The following KLHL8 variants were observed in gnomAD, a reference collection of about 807,000 sequenced individuals.
KLHL8 encodes kelch like family member 8.
A neutral mutation model predicts 63.5 loss-of-function variants in KLHL8; 38 were observed. That is an observed-to-expected ratio of 0.60 (90% confidence interval 0.46 to 0.78). The LOEUF is 0.78. Among genes scored for constraint, KLHL8 ranks in the 30% least tolerant of loss-of-function variants. KLHL8 has a pLI of 0.00. For missense variants in KLHL8, 566 were observed against 752.4 expected (o/e 0.75, Z 2.90); for synonymous variants, 224 against 254.3 (o/e 0.88, Z 1.13).
chr4:87,236,965 G>A (rs954279759), intron 1 of KLHL8, among the ~76,000 whole-genome samples: 1 of 152,124 alleles, frequency 6.6e-6, no homozygotes, highest in Non-Finnish European at 1.5e-5. Flanking sequence ...CACCTAGTCT[G>A]TATTGTGTCT....
chr4:87,207,073 C>T, intron 1 of KLHL8: 1 of 456,040 alleles, frequency 2.2e-6, no homozygotes, highest in Non-Finnish European at 4.2e-6. Flanking sequence ...GCATTGCCAG[C>T]TGCATCGCTG....
At chr4:87,182,187 C>T (rs1731079215) in intron 4 of KLHL8, among the ~76,000 whole-genome samples, 1 of 143,606 alleles carries the variant, frequency 7.0e-6, no homozygotes. Flanking sequence ...CAGCCGAGAT[C>T]GCGCCACTGC....
chr4:87,179,225 C>T (rs1220119513), intron 4 of KLHL8, among the ~76,000 whole-genome samples: 1 of 152,162 alleles, frequency 6.6e-6, no homozygotes, highest in Non-Finnish European at 1.5e-5. Flanking sequence ...TTCTTGCCTA[C>T]CTAAACAACC....
upstream of KLHL8, among the ~76,000 whole-genome samples, chr4:87,222,175 C>T (rs1732883891): frequency 6.6e-6 from 1 of 152,162 alleles, no homozygotes. Context: ...TTACTTAACT[C>T]ATATTGGAGG....
At chr4:87,167,415 T>A in intron 8 of KLHL8, 1 of 464,936 alleles carries the variant, frequency 2.2e-6, no homozygotes, top group Non-Finnish European at 4.2e-6. Flanking sequence ...GTGGGCCAAA[T>A]AAGGTGTTCT....
intron 1 of KLHL8, among the ~76,000 whole-genome samples, chr4:87,235,806 C>T (rs1345560634): frequency 6.6e-6 from 1 of 152,068 alleles, no homozygotes; most frequent in African/African-American, 2.4e-5. Context: ...GTAAACAGGA[C>T]CTTTCAATGA....
chr4:87,211,939 A>G (rs1732422561), intron 1 of KLHL8, among the ~76,000 whole-genome samples: 1 of 152,230 alleles, frequency 6.6e-6, no homozygotes, highest in East Asian at 1.9e-4. Context: ...GTTCTTGAAC[A>G]ATAACTGAGT....
rs192391470 is a variant in KLHL8, at chr4:87,238,683, A to G, written n.57+1575T>C. Among the ~76,000 whole-genome samples the G allele has an allele frequency of 4.6e-5, 7 of 152,328 alleles. No homozygotes were observed. The East Asian group carries it at 1.3e-3, about 29-fold the overall frequency. On this transcript the variant is annotated intron_variant and non_coding_transcript_variant, in intron 1 of 1. Coordinates refer to the KLHL8 transcript ENST00000506274. The stretch of plus-strand genomic sequence containing the variant: ...TAGTAGCTACCAAAATGGACAGGAG[A>G]AAAGTAAAGTTATCATTGGAAAAAT...
chr4:87,226,132 C>A (rs1416963212), intron 1 of KLHL8, among the ~76,000 whole-genome samples: 1 of 152,144 alleles, frequency 6.6e-6, no homozygotes, highest in Non-Finnish European at 1.5e-5. Context: ...GAAACATGTG[C>A]CACATACTTC....
Position 87,234,342 on chromosome 4 carries a change from G to A in KLHL8, n.57+5916C>T, listed in dbSNP as rs1020746389. ...TAGTCCCAGCTACTCAGGAGGCTGA[G>A]GCAGGAGAATTGCTTGAACCTGGGA... On this transcript the variant is annotated intron_variant and non_coding_transcript_variant, in intron 1 of 1. Coordinates refer to the KLHL8 transcript ENST00000506274. 3.9e-5 allele frequency among the ~76,000 whole-genome samples: 6 copies of A among 152,220 alleles called. No homozygotes were observed. The Middle Eastern group carries it at 0.017, about 431-fold the overall frequency.
intron 1 of KLHL8, among the ~76,000 whole-genome samples, chr4:87,234,802 ATTGCCCC>A (rs2110072648): frequency 6.6e-6 from 1 of 152,286 alleles, no homozygotes; most frequent in Admixed American, 6.5e-5. Context: ...CATGTGGGTT[ATTGCCCC>A]GGAAGACTTT....
chr4:87,204,226 C>G (rs888817386), intron 1 of KLHL8, among the ~76,000 whole-genome samples: 1 of 152,094 alleles, frequency 6.6e-6, no homozygotes, highest in Non-Finnish European at 1.5e-5. Context: ...CTGCCACATC[C>G]CCATACACAC....
intron 1 of KLHL8, among the ~76,000 whole-genome samples, chr4:87,237,071 C>G (rs939401626): frequency 6.6e-6 from 1 of 152,144 alleles, no homozygotes; most frequent in Non-Finnish European, 1.5e-5. Context: ...ATGTCCTTCC[C>G]ATAGCTAAAA....
intron 1 of KLHL8, among the ~76,000 whole-genome samples, chr4:87,197,517 C>T (rs1731742952): frequency 6.6e-6 from 1 of 152,156 alleles, no homozygotes; most frequent in African/African-American, 2.4e-5. Context: ...TACAGCCTGG[C>T]CAATAGCTTT....
intron 8 of KLHL8, chr4:87,167,391 G>T: frequency 2.2e-6 from 1 of 450,722 alleles, no homozygotes; most frequent in South Asian, 1.8e-5. Flanking sequence ...TCCTGGTCAT[G>T]GAGATTTATC....
intron 2 of KLHL8, among the ~76,000 whole-genome samples, chr4:87,190,408 G>A (rs1390210643): frequency 1.3e-5 from 2 of 152,176 alleles, no homozygotes; most frequent in East Asian, 1.9e-4. Context: ...ACTTTGGGAG[G>A]CCAAGGTAGG....
At chr4:87,229,332 G>A (rs943686026) in intron 1 of KLHL8, among the ~76,000 whole-genome samples, 1 of 152,010 alleles carries the variant, frequency 6.6e-6, no homozygotes, top group African/African-American at 2.4e-5. Flanking sequence ...CTGCAGCATG[G>A]ACATTGACCA....
chr4:87,168,056 C>A (rs1730472281), intron 8 of KLHL8, among the ~76,000 whole-genome samples: 2 of 152,292 alleles, frequency 1.3e-5, no homozygotes, highest in African/African-American at 4.8e-5. Flanking sequence ...CCCCGCCTTA[C>A]CTTTATGGTT....
At chr4:87,230,974 C>G (rs1179124287) in intron 1 of KLHL8, among the ~76,000 whole-genome samples, 1 of 152,212 alleles carries the variant, frequency 6.6e-6, no homozygotes, top group Non-Finnish European at 1.5e-5. Flanking sequence ...GGAATGTGGA[C>G]TTCCATCTGG....
Sources: gnomAD v4.1 joint callset for allele counts (sites outside exome capture counted in the v4.1 genomes callset) on GRCh38, gnomAD v4.1.1 for gene constraint, MANE v1.5 for transcripts, NCBI Gene and HGNC (gene_info 2026-07-23, HGNC 2026-07-21) for gene names.